The following IMMP2L variants were observed in gnomAD, a reference collection of about 807,000 sequenced individuals.
IMMP2L encodes mitochondrial inner membrane protease subunit 2.
IMMP2L carries 18 observed loss-of-function variants against 19.3 expected under a neutral mutation model. The observed-to-expected ratio is 0.93, with a 90% CI of 0.64 to 1.38. The LOEUF is 1.38. IMMP2L is among the 40% of genes most tolerant of loss of function. The pLI is 0.00. For missense variants in IMMP2L, 233 were observed against 218.2 expected (o/e 1.07, Z -0.43); for synonymous variants, 76 against 73.0 (o/e 1.04, Z -0.21).
intron 3 of IMMP2L, among the ~76,000 whole-genome samples, chr7:111,043,169 C>T (rs113537454): frequency 4.9e-4 from 75 of 152,224 alleles, no homozygotes; most frequent in African/African-American, 1.6e-3. Flanking sequence ...AAAGACAATC[C>T]GTTATATCCT....
At position 111,033,199 on chromosome 7, in the gene IMMP2L, T is replaced by C. The variant is rs553853107; in HGVS notation, c.240-69634A>G. Among the ~76,000 whole-genome samples the C allele has an allele frequency of 7.2e-5, 11 of 152,300 alleles. No homozygotes were observed. In the South Asian group the frequency reaches 2.3e-3, roughly 32 times the overall value. Reference sequence around the variant, plus strand: ...AAAGATATGGATGCCCTATCTAAAATGAATACATATGACAAGTATATGAAA... The same window carrying C: ...AAAGATATGGATGCCCTATCTAAAACGAATACATATGACAAGTATATGAAA... On this transcript the variant is annotated intron_variant, in intron 3 of 5. Coordinates refer to ENST00000405709, the MANE Select transcript of IMMP2L (RefSeq NM_032549.4).
chr7:111,312,374 G>T (rs962960908), intron 3 of IMMP2L, among the ~76,000 whole-genome samples: 1 of 152,244 alleles, frequency 6.6e-6, no homozygotes, highest in Admixed American at 6.5e-5. Flanking sequence ...GTGAGGCTGT[G>T]AATTCAACTT....
At chr7:111,234,234 G>C (rs1254599399) in intron 3 of IMMP2L, among the ~76,000 whole-genome samples, 2 of 152,162 alleles carry the variant, frequency 1.3e-5, no homozygotes, top group East Asian at 1.9e-4. Flanking sequence ...TTTTCTACAA[G>C]TCTTTCTGTT....
At chr7:111,504,121 AG>A (rs1467480532) in intron 2 of IMMP2L, among the ~76,000 whole-genome samples, 2 of 152,180 alleles carry the variant, frequency 1.3e-5, no homozygotes, top group African/African-American at 4.8e-5. Context: ...ACTTCAGCAA[AG>A]TCTCAGGATA....
At chr7:111,519,073 C>G (rs1422045493) in intron 2 of IMMP2L, among the ~76,000 whole-genome samples, 2 of 152,114 alleles carry the variant, frequency 1.3e-5, no homozygotes, top group Admixed American at 1.3e-4. Context: ...TAGATAAGGG[C>G]ATGTGACCCA....
intron 4 of IMMP2L, among the ~76,000 whole-genome samples, chr7:110,887,788 C>T (rs1472905331): frequency 2.6e-5 from 4 of 151,258 alleles, no homozygotes; most frequent in Admixed American, 2.0e-4. Flanking sequence ...AGGAAAACGC[C>T]TGGCCTAAAG....
chr7:110,900,730 G>T (rs543688284), intron 4 of IMMP2L, among the ~76,000 whole-genome samples: 1 of 152,088 alleles, frequency 6.6e-6, no homozygotes, highest in Non-Finnish European at 1.5e-5. Context: ...GAGTAGTATC[G>T]CTGGCTTCCA....
At chr7:110,725,682 G>A (rs1479432502) in intron 5 of IMMP2L, 2 of 152,134 alleles carry the variant, frequency 1.3e-5, no homozygotes, top group East Asian at 3.9e-4. Context: ...TAATGGAGAA[G>A]GTAGATAGCT....
intron 5 of IMMP2L, among the ~76,000 whole-genome samples, chr7:110,717,025 T>G (rs1253546311): frequency 1.3e-5 from 2 of 152,134 alleles, no homozygotes; most frequent in Non-Finnish European, 2.9e-5. Context: ...GTTATAAGAA[T>G]ATGAGGAATA....
At chr7:111,211,150 A>G (rs1461691094) in intron 3 of IMMP2L, among the ~76,000 whole-genome samples, 1 of 152,216 alleles carries the variant, frequency 6.6e-6, no homozygotes, top group African/African-American at 2.4e-5. Context: ...AATACTACAG[A>G]GAGTACTACA....
chr7:111,540,794 A>G (rs1026153464), intron 1 of IMMP2L, among the ~76,000 whole-genome samples: 1 of 151,960 alleles, frequency 6.6e-6, no homozygotes, highest in Non-Finnish European at 1.5e-5. Context: ...AATTGTAGAT[A>G]TGGTTTATAT....
chr7:111,092,791 T>G (rs755275236), intron 3 of IMMP2L, among the ~76,000 whole-genome samples: 18 of 152,194 alleles, frequency 1.2e-4, no homozygotes, highest in Non-Finnish European at 2.4e-4. Flanking sequence ...AAACATTCAC[T>G]GCCCTCTTTA....
At chr7:110,856,659 A>T (rs1806811104) in intron 5 of IMMP2L, among the ~76,000 whole-genome samples, 1 of 152,084 alleles carries the variant, frequency 6.6e-6, no homozygotes, top group African/African-American at 2.4e-5. Context: ...GAAAAGGGAG[A>T]ATATCCACTT....
chr7:111,443,480 T>C (rs1217049253), intron 3 of IMMP2L, among the ~76,000 whole-genome samples: 1 of 152,148 alleles, frequency 6.6e-6, no homozygotes, highest in Non-Finnish European at 1.5e-5. Flanking sequence ...CCTAGTAAGC[T>C]TGAAGCAGCT....
At chr7:111,028,400 T>C (rs1280452178) in intron 3 of IMMP2L, among the ~76,000 whole-genome samples, 1 of 152,138 alleles carries the variant, frequency 6.6e-6, no homozygotes, top group African/African-American at 2.4e-5. Flanking sequence ...CACTCTTCAG[T>C]CTACATATTA....
chr7:110,947,043 A>G (rs1397607895), intron 4 of IMMP2L, among the ~76,000 whole-genome samples: 1 of 152,118 alleles, frequency 6.6e-6, no homozygotes, highest in Admixed American at 6.6e-5. Context: ...TAAAATGGAC[A>G]ATTCTGGAAT....
chr7:110,876,474 A>G (rs1161916992), intron 5 of IMMP2L, among the ~76,000 whole-genome samples: 1 of 152,172 alleles, frequency 6.6e-6, no homozygotes, highest in Admixed American at 6.6e-5. Flanking sequence ...ACCAGGCAGC[A>G]CAATTCTCAT....
intron 3 of IMMP2L, among the ~76,000 whole-genome samples, chr7:111,464,706 C>T (rs748866766): frequency 6.6e-6 from 1 of 152,102 alleles, no homozygotes; most frequent in South Asian, 2.1e-4. Flanking sequence ...GTCACTCTAG[C>T]CTCAATCATT....
At chr7:111,020,761 CAAAAGA>C (rs988399629) in intron 3 of IMMP2L, among the ~76,000 whole-genome samples, 7 of 151,482 alleles carry the variant, frequency 4.6e-5, no homozygotes, top group South Asian at 4.2e-4. Context: ...GACCCTGTCT[CAAAAGA>C]AAAAGAAAAA....
Sources: allele counts gnomAD v4.1 joint callset (sites outside exome capture counted in the v4.1 genomes callset), GRCh38; gene constraint gnomAD v4.1.1; transcripts MANE v1.5; gene names NCBI Gene and HGNC (gene_info 2026-07-23, HGNC 2026-07-21).